The following CLEC4D variants were observed in gnomAD, a reference collection of about 807,000 sequenced individuals.
CLEC4D encodes the protein C-type (calcium dependent, carbohydrate-recognition domain) lectin, superfamily member 8.
CLEC4D carries 21 observed loss-of-function variants against 21.1 expected under a neutral mutation model. The ratio of observed to expected loss-of-function variants is 1.00; its 90% CI spans 0.71 to 1.43. The LOEUF (loss-of-function observed/expected upper bound fraction) is 1.43. Ranked by LOEUF, CLEC4D falls within the 40% of genes most tolerant of loss-of-function variation. The pLI, the probability that CLEC4D is intolerant of heterozygous loss-of-function variation, is 0.00. For synonymous variants in CLEC4D, 85 were observed against 83.1 expected, an observed-to-expected ratio of 1.02 and a Z score of -0.12; for missense variants, 289 against 260.7, an observed-to-expected ratio of 1.11 and a Z score of -0.75.
At position 8,521,470 on chromosome 12, in the gene CLEC4D, G is replaced by T. The variant is rs1940459226; in HGVS notation, c.*199G>T. 5 of 1,140,564 alleles carry T rather than the reference G, an allele frequency of 4.4e-6. No individual in the cohort carries two copies. In the Admixed American group the frequency reaches 1.4e-4, roughly 32 times the overall value. 70.7% of individuals were successfully genotyped at this position (1,140,564 alleles called of 1,614,324 possible). ...TGTGTGTGTGTGTGTAGATAATGTG[G>T]TTTTTGTATGGTGTTTGATGGAAGG... On this transcript the variant is annotated 3_prime_UTR_variant, in exon 6 of 6. Coordinates refer to ENST00000299665, the MANE Select transcript of CLEC4D (RefSeq NM_080387.5).
the CLEC4D span, among the ~76,000 whole-genome samples, chr12:8,528,832 A>G: frequency 6.6e-6 from 1 of 151,762 alleles, no homozygotes; most frequent in Non-Finnish European, 1.5e-5. Flanking sequence ...TACTATATGT[A>G]CTACATATAA....
chr12:8,524,187 G>T (rs972769017), downstream of CLEC4D, among the ~76,000 whole-genome samples: 2 of 151,934 alleles, frequency 1.3e-5, no homozygotes, highest in African/African-American at 4.8e-5. Flanking sequence ...TCCCAGTTTT[G>T]GTATCAGGAT....
chr12:8,525,948 C>T (rs1940502374), downstream of CLEC4D, among the ~76,000 whole-genome samples: 1 of 152,110 alleles, frequency 6.6e-6, no homozygotes, highest in Admixed American at 6.5e-5. Flanking sequence ...GCTTATGAAG[C>T]TTAGTTTGAC....
intron 2 of CLEC4D, among the ~76,000 whole-genome samples, chr12:8,515,569 T>C (rs1940368315): frequency 6.6e-6 from 1 of 152,116 alleles, no homozygotes; most frequent in Non-Finnish European, 1.5e-5. Context: ...TAAAAGTTGG[T>C]TACTATAGCA....
At chr12:8,523,138 C>T (rs1269402919), downstream of CLEC4D, among the ~76,000 whole-genome samples, 1 of 152,136 alleles carries the variant, frequency 6.6e-6, no homozygotes, top group Non-Finnish European at 1.5e-5. Flanking sequence ...CATGATGCCC[C>T]CAGCTTTGTT....
In CLEC4D at chr12:8,518,253, TC is replaced by T; in HGVS notation, c.212del (p.Ser71Ter). On this transcript the variant is annotated frameshift_variant, in exon 3 of 6. Transcript: ENST00000299665. LOFTEE classifies it high-confidence loss of function. ...HAKLKCIKEKSELKSAEGSTW... is the reference protein window; with the variant it reads ...HAKLKCIKEKXELKSAEGSTW... ...AAAGCTCAAATGCATCAAAGAGAAA[TC>T]AGAACTGAAAAGTGCTGAAGGTACA... 1 of 1,287,450 alleles carries T rather than the reference TC, an allele frequency of 7.8e-7. No homozygotes were observed. The allele number at this position is 1,287,450 out of a possible 1,614,324, so 79.8% of individuals were successfully genotyped here.
rs1439216904 is a variant in CLEC4D, at chr12:8,519,220, G to A, written c.384+60G>A. ...CTTTGAATCTCTTTCCAGAAAAAGA[G>A]GAATTTCTCTGTCCTGTTATGCCTC... On this transcript the variant is annotated intron_variant, in intron 4 of 5. Transcript: ENST00000299665. 3 of 1,575,588 alleles carry A rather than the reference G, an allele frequency of 1.9e-6. No homozygotes were observed. In the Admixed American group the frequency reaches 5.4e-5, roughly 28 times the overall value.
intron 5 of CLEC4D, among the ~76,000 whole-genome samples, chr12:8,520,844 A>C (rs1395755671): frequency 6.6e-6 from 1 of 152,226 alleles, no homozygotes; most frequent in South Asian, 2.1e-4. Context: ...ACATGTGATC[A>C]TTATAAAATT....
At chr12:8,514,548 A>T (rs1053471362) in intron 1 of CLEC4D, among the ~76,000 whole-genome samples, 2 of 152,174 alleles carry the variant, frequency 1.3e-5, no homozygotes, top group Non-Finnish European at 2.9e-5. Context: ...TGGCAAATGA[A>T]ATGCATTTAA....
intron 5 of CLEC4D, 39 bp from the exon 6 acceptor site, chr12:8,521,085 T>C (rs1219406970): frequency 1.2e-6 from 2 of 1,600,314 alleles, no homozygotes; most frequent in Admixed American, 3.5e-5. Context: ...ATTGTCTATA[T>C]ATACCTATAA....
At chr12:8,520,383 T>G in intron 5 of CLEC4D, 42 bp downstream of exon 5, 1 of 1,585,514 alleles carries the variant, frequency 6.3e-7, no homozygotes, top group Non-Finnish European at 8.6e-7. Flanking sequence ...TAAGCAAAGG[T>G]TAGAAGATGG....
chr12:8,520,068 C>T (rs1258624076), intron 4 of CLEC4D, among the ~76,000 whole-genome samples, 158 bp from the exon 5 acceptor site: 1 of 152,214 alleles, frequency 6.6e-6, no homozygotes, highest in Non-Finnish European at 1.5e-5. Flanking sequence ...AAGATTGAAG[C>T]ACTTACTAAC....
chr12:8,516,768 C>T lies in CLEC4D; in HGVS notation c.122-1396C>T, dbSNP rs1940387434. Among the ~76,000 whole-genome samples, 3 of 152,226 alleles carry T rather than the reference C, an allele frequency of 2.0e-5. No individual in the cohort carries two copies. In the South Asian group the frequency reaches 6.2e-4, roughly 31 times the overall value. ...CGTATGTGCCCTACAGAAACGCATGCTTATGTGCTCCAAATGCATGGTTGA... is the reference window on the plus strand; with the variant it reads ...CGTATGTGCCCTACAGAAACGCATGTTTATGTGCTCCAAATGCATGGTTGA... On this transcript the variant is annotated intron_variant, in intron 2 of 5. Transcript: ENST00000299665.
At chr12:8,523,408 T>C (rs1341717892), downstream of CLEC4D, among the ~76,000 whole-genome samples, 1 of 152,214 alleles carries the variant, frequency 6.6e-6, no homozygotes, top group Non-Finnish European at 1.5e-5. Context: ...GAAGAGGTCC[T>C]TCACATCCCT....
In CLEC4D at chr12:8,519,001, C is replaced by A; in HGVS notation, c.233-8C>A. The A allele has an allele frequency of 1.2e-6, 2 of 1,609,488 alleles. No homozygotes were observed. The highest frequency in any genetic ancestry group is 1.1e-5 in the South Asian group (1 of 90,312). On this transcript the variant is annotated splice_region_variant and splice_polypyrimidine_tract_variant and intron_variant, in intron 3 of 5. Coordinates refer to ENST00000299665, the MANE Select transcript of CLEC4D (RefSeq NM_080387.5). ...TGTTACCAATTTCCGTTTTAATTTT[C>A]ACTTGAGGGAGCACCTGGAACTGTT... is the stretch of plus-strand genomic sequence containing the variant.
chr12:8,517,454 C>T (rs1591719455), intron 2 of CLEC4D, among the ~76,000 whole-genome samples: 1 of 137,194 alleles, frequency 7.3e-6, no homozygotes, highest in South Asian at 2.8e-4. Context: ...CCCCCCTCCC[C>T]CCACCCCACA....
At chr12:8,519,692 G>T (rs74840271) in intron 4 of CLEC4D, among the ~76,000 whole-genome samples, 2,107 of 152,268 alleles carry the variant, frequency 0.014, 51 homozygotes, top group African/African-American at 0.047. Flanking sequence ...CAGATGTATG[G>T]ATCTAATGAT....
chr12:8,527,694 C>T, the CLEC4D span, among the ~76,000 whole-genome samples: 9 of 152,362 alleles, frequency 5.9e-5, no homozygotes, highest in East Asian at 1.7e-3. Flanking sequence ...AGCAGGCAGC[C>T]ACAGCCAGTG....
intron 2 of CLEC4D, among the ~76,000 whole-genome samples, chr12:8,517,406 A>C (rs1429149198): frequency 6.6e-6 from 1 of 151,888 alleles, no homozygotes; most frequent in Non-Finnish European, 1.5e-5. Context: ...CCAGTAACTC[A>C]TCAGTTAACA....
Sources: allele counts gnomAD v4.1 joint callset (sites outside exome capture counted in the v4.1 genomes callset), GRCh38; gene constraint gnomAD v4.1.1; transcripts MANE v1.5; gene names NCBI Gene and HGNC (gene_info 2026-07-23, HGNC 2026-07-21).